The following KCNMA1 variants were observed in gnomAD, a reference collection of about 807,000 sequenced individuals.
The protein encoded by KCNMA1 is Calcium-activated potassium channel subunit alpha-1.
Under a neutral mutation model 140.0 loss-of-function variants are expected in KCNMA1, and 29 were observed. That is an observed-to-expected ratio of 0.21 (90% CI 0.15 to 0.28). KCNMA1 has a LOEUF of 0.28. KCNMA1 is among the 10% of genes least tolerant of loss of function. The probability of loss-of-function intolerance (pLI) is 1.00; values close to 1 mark genes in which losing one functional copy is unlikely to be tolerated. For synonymous variants in KCNMA1, 612 were observed against 611.9 expected (o/e 1.00, Z 0.00); for missense variants, 880 against 1,602.2 (o/e 0.55, Z 7.70).
chr10:77,560,872 C>T (rs1364792373), intron 1 of KCNMA1, among the ~76,000 whole-genome samples: 3 of 152,154 alleles, frequency 2.0e-5, no homozygotes, highest in Non-Finnish European at 4.4e-5. Flanking sequence ...AACTTGGAGC[C>T]TTCTTCAAGC....
intron 2 of KCNMA1, chr10:77,313,808 C>CT (rs1194588493): frequency 1.3e-5 from 2 of 152,162 alleles, no homozygotes; most frequent in Admixed American, 6.6e-5. Flanking sequence ...TTGTCAAAAA[C>CT]TTTATCTGTG....
chr10:77,272,278 C>T (rs1450823817), intron 2 of KCNMA1, among the ~76,000 whole-genome samples: 1 of 152,134 alleles, frequency 6.6e-6, no homozygotes, highest in Non-Finnish European at 1.5e-5. Flanking sequence ...ACAGTACATG[C>T]TTTATATACA....
chr10:76,958,044 C>G (rs2069118208), intron 20 of KCNMA1, among the ~76,000 whole-genome samples: 1 of 152,176 alleles, frequency 6.6e-6, no homozygotes, highest in Admixed American at 6.5e-5. Flanking sequence ...ATCAAAGTTT[C>G]TAAAGCTTCT....
At chr10:77,079,898 G>A (rs539525132) in intron 12 of KCNMA1, among the ~76,000 whole-genome samples, 1 of 152,126 alleles carries the variant, frequency 6.6e-6, no homozygotes, top group South Asian at 2.1e-4. Flanking sequence ...GTCCAATTAT[G>A]AAATCAACTA....
chr10:77,448,333 G>T (rs1210546781), intron 1 of KCNMA1, among the ~76,000 whole-genome samples: 1 of 152,194 alleles, frequency 6.6e-6, no homozygotes, highest in East Asian at 1.9e-4. Context: ...TGAGGAAATT[G>T]TTTTCTAGGG....
intron 2 of KCNMA1, chr10:77,315,546 G>C (rs551521848): frequency 6.6e-6 from 1 of 152,292 alleles, no homozygotes; most frequent in South Asian, 2.1e-4. Flanking sequence ...GGAAGAATTT[G>C]TCTTTGGAGA....
intron 1 of KCNMA1, among the ~76,000 whole-genome samples, chr10:77,540,318 T>C (rs968236680): frequency 6.6e-5 from 10 of 152,236 alleles, no homozygotes; most frequent in African/African-American, 2.4e-4. Flanking sequence ...AGGCTAACAG[T>C]GATTGAGCAC....
intron 1 of KCNMA1, among the ~76,000 whole-genome samples, chr10:77,452,612 C>G (rs1044736752): frequency 6.6e-6 from 1 of 152,182 alleles, no homozygotes; most frequent in African/African-American, 2.4e-5. Context: ...TTCTGTCTGC[C>G]CATGAGTATG....
intron 1 of KCNMA1, among the ~76,000 whole-genome samples, chr10:77,462,212 TATACTC>T (rs1279830026): frequency 6.6e-6 from 1 of 151,512 alleles, no homozygotes; most frequent in African/African-American, 2.4e-5. Flanking sequence ...ACACAGCACA[TATACTC>T]AGATAGATGC....
intron 1 of KCNMA1, among the ~76,000 whole-genome samples, chr10:77,522,178 AAAAT>A (rs57838652): frequency 3.1e-4 from 44 of 142,880 alleles, no homozygotes; most frequent in African/African-American, 9.1e-4. Flanking sequence ...ACTCCATCTC[AAAAT>A]AAATAAATAA....
chr10:77,226,664 A>G (rs940316442), intron 3 of KCNMA1, among the ~76,000 whole-genome samples: 1 of 152,198 alleles, frequency 6.6e-6, no homozygotes, highest in African/African-American at 2.4e-5. Flanking sequence ...AAGAACTGAC[A>G]ACTGGCACTA....
chr10:76,925,904 G>A (rs2057531719), intron 23 of KCNMA1, among the ~76,000 whole-genome samples: 1 of 152,216 alleles, frequency 6.6e-6, no homozygotes, highest in South Asian at 2.1e-4. Context: ...ATTCAGGAAA[G>A]CAGAATCGCA....
At chr10:77,199,317 G>A (rs1216482650) in intron 3 of KCNMA1, among the ~76,000 whole-genome samples, 2 of 152,192 alleles carry the variant, frequency 1.3e-5, no homozygotes, top group Non-Finnish European at 2.9e-5. Context: ...AATAAGACAT[G>A]ATTCTTGCTC....
At chr10:76,874,417 G>A (rs2031983030), downstream of KCNMA1, 1 of 152,192 alleles carries the variant, frequency 6.6e-6, no homozygotes, top group Non-Finnish European at 1.5e-5. Context: ...ACCTGAAAGA[G>A]ACCTTAGAGT....
At chr10:77,634,666 T>C (rs1309061987) in intron 1 of KCNMA1, 1 of 985,132 alleles carries the variant, frequency 1.0e-6, no homozygotes, top group Non-Finnish European at 1.2e-6. Context: ...GCCTATGTTT[T>C]CTTGGGAAAT....
At chr10:77,297,290 A>G (rs1261163336) in intron 2 of KCNMA1, among the ~76,000 whole-genome samples, 2 of 152,204 alleles carry the variant, frequency 1.3e-5, no homozygotes, top group East Asian at 1.9e-4. Flanking sequence ...AGCCCAATCA[A>G]TTGGCTCCAC....
intron 10 of KCNMA1, among the ~76,000 whole-genome samples, chr10:77,087,155 G>T (rs769406412): frequency 3.7e-4 from 56 of 152,224 alleles, no homozygotes; most frequent in Non-Finnish European, 6.5e-4. Flanking sequence ...GGCATCTCTT[G>T]TCATTCTCCT....
At chr10:76,941,909 C>T (rs1353432002) in intron 23 of KCNMA1, among the ~76,000 whole-genome samples, 1 of 152,132 alleles carries the variant, frequency 6.6e-6, no homozygotes. Context: ...GCAGTGTCCT[C>T]ACATGACAGA....
intron 22 of KCNMA1, among the ~76,000 whole-genome samples, chr10:76,945,979 T>C (rs974483825): frequency 2.6e-5 from 4 of 152,222 alleles, no homozygotes; most frequent in Middle Eastern, 3.2e-3. Flanking sequence ...ACTTCTATAT[T>C]GCTTGAATAT....
Sources: allele counts gnomAD v4.1 joint callset (sites outside exome capture counted in the v4.1 genomes callset), GRCh38; gene constraint gnomAD v4.1.1; transcripts MANE v1.5; gene names NCBI Gene and HGNC (gene_info 2026-07-23, HGNC 2026-07-21).